RNF220: variants seen among roughly 807,000 people sequenced by gnomAD.
RNF220 encodes the protein ring finger protein 220.
RNF220 carries 7 observed loss-of-function variants against 67.1 expected under a neutral mutation model. That is an observed-to-expected ratio of 0.10 (90% confidence interval 0.06 to 0.20). The LOEUF is 0.20. Among genes scored for constraint, RNF220 ranks in the 10% least tolerant of loss-of-function variants. The pLI, the probability that RNF220 is intolerant of heterozygous loss-of-function variation, is 1.00. For synonymous variants in RNF220, 270 were observed against 283.2 expected, an observed-to-expected ratio of 0.95 and a Z score of 0.47; for missense variants, 565 against 740.3, an observed-to-expected ratio of 0.76 and a Z score of 2.75.
intron 2 of RNF220, among the ~76,000 whole-genome samples, chr1:44,588,164 G>C (rs1192625225): frequency 1.3e-5 from 2 of 152,224 alleles, no homozygotes; most frequent in African/African-American, 2.4e-5. Flanking sequence ...CCAGTATTTG[G>C]ACCACTTGAA....
At chr1:44,610,077 C>T (rs897203032) in intron 2 of RNF220, among the ~76,000 whole-genome samples, 1 of 152,124 alleles carries the variant, frequency 6.6e-6, no homozygotes, top group East Asian at 1.9e-4. Flanking sequence ...AGGCACTCCG[C>T]GACTGGGGCG....
At chr1:44,468,035 T>G (rs1217189288) in intron 2 of RNF220, among the ~76,000 whole-genome samples, 4 of 151,964 alleles carry the variant, frequency 2.6e-5, no homozygotes, top group Non-Finnish European at 1.5e-5. Context: ...TGCCATCTTA[T>G]ATGAGTGTGG....
chr1:44,432,575 G>A (rs1650505389), intron 2 of RNF220, among the ~76,000 whole-genome samples: 1 of 147,258 alleles, frequency 6.8e-6, no homozygotes, highest in Non-Finnish European at 1.5e-5. Flanking sequence ...CGGCCTGTTT[G>A]TCTGTTTAGA....
intron 2 of RNF220, among the ~76,000 whole-genome samples, chr1:44,420,250 T>C (rs3866642): frequency 0.55 from 83,594 of 152,050 alleles, 23,548 homozygotes; most frequent in Middle Eastern, 0.64. Flanking sequence ...TGGAGCTATG[T>C]GAGTGAAGAA....
intron 2 of RNF220, among the ~76,000 whole-genome samples, chr1:44,464,900 T>C (rs1370360934): frequency 6.6e-6 from 1 of 152,244 alleles, no homozygotes; most frequent in Non-Finnish European, 1.5e-5. Flanking sequence ...TATCCGTATC[T>C]CATCAGCATC....
In RNF220 at chr1:44,492,403, T is replaced by C. The variant is rs146728361; in HGVS notation, c.625+79681T>C. Among the ~76,000 whole-genome samples the C allele has an allele frequency of 1.3e-3, 202 of 152,312 alleles. 4 individuals carry two copies. The highest frequency in any genetic ancestry group is 5.8e-4 in the East Asian group (3 of 5,190). ...ATAGAGTTGCCATTTGTCCCAGCAA[T>C]TCCACTCCTAGGTATATACCCAAAA... On this transcript the variant is annotated intron_variant, in intron 2 of 14. Coordinates refer to ENST00000361799, the MANE Select transcript of RNF220 (RefSeq NM_018150.4).
At chr1:44,483,022 C>T (rs866340391) in intron 2 of RNF220, among the ~76,000 whole-genome samples, 4 of 149,360 alleles carry the variant, frequency 2.7e-5, no homozygotes, top group South Asian at 2.1e-4. Flanking sequence ...CCTCAAACTC[C>T]GGGATTCAGG....
chr1:44,462,295 G>T (rs1177067663), intron 2 of RNF220, among the ~76,000 whole-genome samples: 2 of 152,064 alleles, frequency 1.3e-5, no homozygotes, highest in Non-Finnish European at 2.9e-5. Context: ...TGTGTTTATA[G>T]TGTATAAGTC....
rs1644749721 is a variant in RNF220, at chr1:44,650,049, G to C, written c.1629+92G>C. ...GCCTGAGCCTGCCTGGGGGAAGTGG[G>C]GAGCATGGCGCAAAGGAGAACAGAG... On this transcript the variant is annotated intron_variant, in intron 14 of 14. Coordinates refer to ENST00000361799, the MANE Select transcript of RNF220 (RefSeq NM_018150.4). The surrounding 1 kb of genome is among the most constrained non-coding windows in gnomAD (Gnocchi z 4.3). 2.2e-6 allele frequency: 3 copies of C among 1,338,144 alleles called. No individual in the cohort carries two copies. 82.9% of individuals were successfully genotyped at this position (1,338,144 alleles called of 1,614,324 possible).
chr1:44,428,050 A>G (rs918548887), intron 2 of RNF220, among the ~76,000 whole-genome samples: 5 of 151,988 alleles, frequency 3.3e-5, no homozygotes, highest in Admixed American at 6.6e-5. Context: ...TGGTACCTAT[A>G]ATGTTGTTTT....
intron 2 of RNF220, among the ~76,000 whole-genome samples, chr1:44,594,218 A>G (rs1328427560): frequency 6.6e-6 from 1 of 152,194 alleles, no homozygotes; most frequent in African/African-American, 2.4e-5. Context: ...AAAGGCCCCC[A>G]AGAGAAACTT....
At position 44,412,683 on chromosome 1, in the gene RNF220, C is replaced by G. The variant is rs1163010119; in HGVS notation, c.586C>G (p.Arg196Gly). The G allele has an allele frequency of 6.2e-7, 1 of 1,614,020 alleles. No individual in the cohort carries two copies. The highest frequency in any genetic ancestry group is 1.3e-5 in the African/African-American group (1 of 74,912). ...IFAVSGLISD[R>G]EASSSPEDRN... is the part of the protein sequence containing the mutation. ...TGCTGTCTCTGGCCTCATTTCTGAT[C>G]GGGAAGCCTCATCTAGCCCAGAGGA... The change falls in exon 2 of 15, where the codon CGG (arginine) becomes GGG (glycine). Residue 196 changes from arginine (R) to glycine (G), a missense_variant. Arg to Gly is a moderately radical substitution (Grantham distance 125). Coordinates refer to ENST00000361799, the MANE Select transcript of RNF220 (RefSeq NM_018150.4). This position sits in a 1 kb window ranked among gnomAD's most constrained non-coding sequence, Gnocchi z 5.3.
At chr1:44,435,199 A>G (rs897667717) in intron 2 of RNF220, among the ~76,000 whole-genome samples, 7 of 152,212 alleles carry the variant, frequency 4.6e-5, no homozygotes, top group Admixed American at 3.9e-4. Context: ...GCTGAGCAAC[A>G]TGGTGCTAGT....
chr1:44,438,976 G>A (rs1651274742), intron 2 of RNF220, among the ~76,000 whole-genome samples: 1 of 152,118 alleles, frequency 6.6e-6, no homozygotes, highest in Non-Finnish European at 1.5e-5. Context: ...TTCCATTGCA[G>A]GGATGCATTA....
chr1:44,555,564 T>G (rs942919580), intron 2 of RNF220, among the ~76,000 whole-genome samples: 4 of 151,888 alleles, frequency 2.6e-5, no homozygotes, highest in African/African-American at 7.3e-5. Context: ...AAGCTCCGCC[T>G]CCCGGGTTCA....
chr1:44,478,740 A>G (rs1276221684), intron 2 of RNF220, among the ~76,000 whole-genome samples: 2 of 152,090 alleles, frequency 1.3e-5, no homozygotes, highest in Non-Finnish European at 2.9e-5. Context: ...AGAGAGAGAG[A>G]GAAATGAAAT....
Position 44,405,328 on chromosome 1 carries a change from A to G in RNF220, c.-320A>G. Reference sequence around the variant, plus strand: ...ACGCCAACTGAGTCTCTTGATCTGTACATGCAATCCCAGGCAGCTCGCGAA... The same window carrying G: ...ACGCCAACTGAGTCTCTTGATCTGTGCATGCAATCCCAGGCAGCTCGCGAA... On this transcript the variant is annotated 5_prime_UTR_variant, in exon 1 of 15. Transcript: ENST00000361799. 1.8e-6 allele frequency: 1 copy of G among 555,748 alleles called. No homozygotes were observed. Among genetic ancestry groups the G allele is most frequent in the Non-Finnish European group, 3.2e-6 (1 of 314,510 alleles). 34.4% of individuals were successfully genotyped at this position (555,748 alleles called of 1,614,324 possible). A position where few individuals can be genotyped will look rare whatever the true frequency, so the allele number is the denominator to read the frequency against.
chr1:44,650,851 T>G lies in RNF220; in HGVS notation c.*76T>G. On this transcript the variant is annotated 3_prime_UTR_variant, in exon 15 of 15. Coordinates refer to ENST00000361799, the MANE Select transcript of RNF220 (RefSeq NM_018150.4). This position sits in a 1 kb window ranked among gnomAD's most constrained non-coding sequence, Gnocchi z 4.3. ...CCTCTGTGACAGTGACCGTCTCCCT[T>G]TGTACATACTTGCACACAGGTTCCC... is the stretch of plus-strand genomic sequence containing the variant. 1.5e-6 allele frequency: 2 copies of G among 1,302,428 alleles called. No homozygotes were observed. The highest frequency in any genetic ancestry group is 1.2e-5 in the South Asian group (1 of 84,842). 80.7% of individuals were successfully genotyped at this position (1,302,428 alleles called of 1,614,324 possible). A position where few individuals can be genotyped will look rare whatever the true frequency, so the allele number is the denominator to read the frequency against.
chr1:44,620,010 G>A (rs980185107), intron 3 of RNF220, among the ~76,000 whole-genome samples: 3 of 152,244 alleles, frequency 2.0e-5, no homozygotes, highest in African/African-American at 7.2e-5. Context: ...GACCCTGAAT[G>A]TCCCTGTTTC....
Sources: gnomAD v4.1 joint callset for allele counts (sites outside exome capture counted in the v4.1 genomes callset) on GRCh38, gnomAD v4.1.1 for gene constraint, Gnocchi (gnomAD v3.1) non-coding constraint, MANE v1.5 for transcripts, NCBI Gene and HGNC (gene_info 2026-07-23, HGNC 2026-07-21) for gene names.